The following ZSWIM6 variants were observed in gnomAD, a reference collection of about 807,000 sequenced individuals.
ZSWIM6 encodes the protein zinc finger SWIM domain-containing protein 6.
In ZSWIM6, 9 loss-of-function variants were observed where a neutral mutation model predicts 113.2. The ratio of observed to expected loss-of-function variants is 0.08; its 90% CI spans 0.05 to 0.14. The LOEUF (loss-of-function observed/expected upper bound fraction) is 0.14. ZSWIM6 is among the 10% of genes least tolerant of loss of function. The pLI is 1.00. For synonymous variants in ZSWIM6, 611 were observed against 606.5 expected (o/e 1.01, Z -0.11); for missense variants, 1,162 against 1,552.2 (o/e 0.75, Z 4.22).
intron 1 of ZSWIM6, among the ~76,000 whole-genome samples, chr5:61,336,298 A>G (rs1228834545): frequency 6.6e-6 from 1 of 152,162 alleles, no homozygotes; most frequent in African/African-American, 2.4e-5. Flanking sequence ...TGATATTGGA[A>G]GGGAGCTGCC....
chr5:61,422,039 T>C lies in ZSWIM6; in HGVS notation c.677-50642T>C, dbSNP rs377201836. On this transcript the variant is annotated intron_variant, in intron 1 of 13. Transcript: ENST00000252744. ...TCTTCAGTTTGTTGATCGTTTCCTT[T>C]GCTGTGCAGCAGCTTTTAAATAATA... is the stretch of plus-strand genomic sequence containing the variant. Among the ~76,000 whole-genome samples, 95 of 152,378 alleles carry C rather than the reference T, an allele frequency of 6.2e-4. 5 individuals carry two copies. The South Asian group carries it at 0.019, about 31-fold the overall frequency.
intron 1 of ZSWIM6, among the ~76,000 whole-genome samples, chr5:61,362,655 A>T (rs1318996979): frequency 6.6e-6 from 1 of 152,124 alleles, no homozygotes; most frequent in Non-Finnish European, 1.5e-5. Flanking sequence ...CTATCGTCTA[A>T]GGCTGGGCAC....
chr5:61,385,678 C>T (rs552530106), intron 1 of ZSWIM6, among the ~76,000 whole-genome samples: 3 of 152,334 alleles, frequency 2.0e-5, no homozygotes, highest in Admixed American at 2.0e-4. Context: ...ATAGCACATA[C>T]TGTCTAACAT....
intron 1 of ZSWIM6, among the ~76,000 whole-genome samples, chr5:61,386,194 C>T (rs755151504): frequency 5.9e-5 from 9 of 152,218 alleles, no homozygotes; most frequent in Non-Finnish European, 1.0e-4. Flanking sequence ...TAGAGTACTA[C>T]ATCAGGGAAA....
intron 1 of ZSWIM6, among the ~76,000 whole-genome samples, chr5:61,376,929 A>T (rs1248546549): frequency 1.3e-5 from 2 of 152,276 alleles, no homozygotes; most frequent in East Asian, 3.8e-4. Context: ...TTAAAAAAAA[A>T]AAAGGCTTCA....
At chr5:61,447,331 A>G (rs915098018) in intron 1 of ZSWIM6, among the ~76,000 whole-genome samples, 1 of 152,116 alleles carries the variant, frequency 6.6e-6, no homozygotes, top group African/African-American at 2.4e-5. Context: ...ACACAATCCA[A>G]CTGCACTGAA....
chr5:61,408,638 G>T (rs1746088296), intron 1 of ZSWIM6, among the ~76,000 whole-genome samples: 1 of 152,150 alleles, frequency 6.6e-6, no homozygotes, highest in African/African-American at 2.4e-5. Context: ...GAAAAGAAGG[G>T]GTTAAAGGTG....
intron 1 of ZSWIM6, among the ~76,000 whole-genome samples, chr5:61,360,143 T>G (rs936408701): frequency 1.3e-5 from 2 of 152,200 alleles, no homozygotes; most frequent in African/African-American, 2.4e-5. Flanking sequence ...AGATCTTCAT[T>G]GGTTCTGCTG....
chr5:61,332,524 G>C lies in ZSWIM6; in HGVS notation c.252G>C (p.Arg84Ser), dbSNP rs1157273146. 4.5e-6 allele frequency: 6 copies of C among 1,334,716 alleles called. No homozygotes were observed. The highest frequency in any genetic ancestry group is 5.9e-6 in the Non-Finnish European group (6 of 1,014,360). The allele number at this position is 1,334,716 out of a possible 1,614,324, so 82.7% of individuals were successfully genotyped here. ...PESLLDIAAR[R>S]VAEKWPFQRV... ...CGCTGCTGGACATCGCGGCGCGCAGGGTGGCGGAGAAGTGGCCGTTCCAGC... is the reference window on the plus strand; with the variant it reads ...CGCTGCTGGACATCGCGGCGCGCAGCGTGGCGGAGAAGTGGCCGTTCCAGC... Residue 84 changes from arginine to serine, a missense_variant, in exon 1 of 14, where the codon AGG becomes AGC. Arg to Ser is a moderately radical substitution (Grantham distance 110). Around this residue, in one of 4 missense-constraint regions of ZSWIM6, gnomAD observed 333 missense variants for 293.4 expected, o/e 1.13. Coordinates refer to ENST00000252744, the MANE Select transcript of ZSWIM6 (RefSeq NM_020928.2).
chr5:61,417,146 A>T (rs1231954928), intron 1 of ZSWIM6, among the ~76,000 whole-genome samples: 1 of 150,498 alleles, frequency 6.6e-6, no homozygotes, highest in Middle Eastern at 3.2e-3. Flanking sequence ...CGTCTCGAAG[A>T]AAAAAAAAAT....
rs1040056831 is a variant in ZSWIM6, at chr5:61,532,776, G to A, written c.2245+1051G>A. On this transcript the variant is annotated intron_variant, in intron 9 of 13. Transcript: ENST00000252744. ...TTTTTTGAAGCACTCTCCTGAACCT[G>A]TTTTTTTCCCTGTAAAGATAAAAAG... Among the ~76,000 whole-genome samples the A allele has an allele frequency of 3.9e-5, 6 of 152,116 alleles. No individual in the cohort carries two copies. The East Asian group carries it at 7.7e-4, about 20-fold the overall frequency.
chr5:61,379,185 GAAAAAAAA>G (rs1211778480), intron 1 of ZSWIM6, among the ~76,000 whole-genome samples: 2 of 38,592 alleles, frequency 5.2e-5, no homozygotes, highest in African/African-American at 1.0e-4. Flanking sequence ...TCCTGTCTCT[GAAAAAAAA>G]AAAAAAAAAA....
chr5:61,391,868 ACAT>A (rs1745722841), intron 1 of ZSWIM6: 1 of 666,056 alleles, frequency 1.5e-6, no homozygotes, highest in African/African-American at 1.8e-5. Context: ...CTTCTGTGAG[ACAT>A]CATGCCATCA....
intron 1 of ZSWIM6, among the ~76,000 whole-genome samples, chr5:61,396,472 A>G (rs1019951942): frequency 6.7e-6 from 1 of 149,988 alleles, no homozygotes; most frequent in East Asian, 2.0e-4. Context: ...CAGAGGTTGC[A>G]GTGAGCCGAC....
intron 10 of ZSWIM6, among the ~76,000 whole-genome samples, chr5:61,538,484 T>TGCG (rs1228437565): frequency 6.6e-6 from 1 of 152,228 alleles, no homozygotes; most frequent in East Asian, 1.9e-4. Flanking sequence ...AGACCTGTGT[T>TGCG]TAAAAGTTCT....
chr5:61,484,656 G>A (rs1159025433), intron 2 of ZSWIM6, among the ~76,000 whole-genome samples: 1 of 152,210 alleles, frequency 6.6e-6, no homozygotes. Flanking sequence ...GTGGGATACA[G>A]TTATAGACCT....
At chr5:61,481,339 T>C (rs1228235086) in intron 2 of ZSWIM6, among the ~76,000 whole-genome samples, 1 of 152,116 alleles carries the variant, frequency 6.6e-6, no homozygotes, top group Non-Finnish European at 1.5e-5. Context: ...ACTGTATCCA[T>C]GGTGTGAGAC....
intron 1 of ZSWIM6, among the ~76,000 whole-genome samples, chr5:61,429,559 C>T (rs1195649549): frequency 2.6e-5 from 4 of 152,088 alleles, no homozygotes; most frequent in Non-Finnish European, 5.9e-5. Context: ...AAGTGTGAGG[C>T]GTTAGAGTGC....
chr5:61,339,880 T>G (rs565259684), intron 1 of ZSWIM6, among the ~76,000 whole-genome samples: 61 of 152,348 alleles, frequency 4.0e-4, no homozygotes, highest in Non-Finnish European at 7.8e-4. Flanking sequence ...TACTTTAAAT[T>G]CAAAACCACG....
Sources: allele counts gnomAD v4.1 joint callset (sites outside exome capture counted in the v4.1 genomes callset), GRCh38; gene constraint gnomAD v4.1.1; regional missense constraint gnomAD v4.1.1; transcripts MANE v1.5; gene names NCBI Gene and HGNC (gene_info 2026-07-23, HGNC 2026-07-21).